LRRTM4: variants seen among roughly 807,000 people sequenced by gnomAD.
The protein encoded by LRRTM4 is leucine rich repeat transmembrane neuronal 4, also known as leucine-rich repeat transmembrane neuronal protein 4.
A neutral mutation model predicts 47.6 loss-of-function variants in LRRTM4; 25 were observed. The observed-to-expected ratio is 0.53, with a 90% confidence interval of 0.38 to 0.73. LRRTM4 has a LOEUF of 0.73. Ranked by LOEUF, LRRTM4 falls within the 30% of genes least tolerant of loss-of-function variation. The pLI is 0.00. For synonymous variants in LRRTM4, 311 were observed against 269.5 expected (o/e 1.15, Z -1.51); for missense variants, 638 against 713.4 (o/e 0.89, Z 1.20).
intron 3 of LRRTM4, among the ~76,000 whole-genome samples, chr2:77,088,932 A>G (rs540711967): frequency 5.3e-5 from 8 of 151,828 alleles, no homozygotes; most frequent in Non-Finnish European, 7.4e-5. Flanking sequence ...CTTAATTTCA[A>G]TTCCTTTCAT....
intron 3 of LRRTM4, among the ~76,000 whole-genome samples, chr2:76,803,963 T>A (rs190234831): frequency 3.2e-4 from 49 of 152,342 alleles, no homozygotes; most frequent in Non-Finnish European, 2.6e-4. Flanking sequence ...TGAGCTTTTC[T>A]TGTAGACATT....
At chr2:76,755,411 C>G (rs1343410560) in intron 3 of LRRTM4, among the ~76,000 whole-genome samples, 1 of 152,126 alleles carries the variant, frequency 6.6e-6, no homozygotes, top group Non-Finnish European at 1.5e-5. Flanking sequence ...TCTGTGATTA[C>G]TAACTCCAAT....
chr2:77,314,152 T>A (rs1677551909), intron 3 of LRRTM4, among the ~76,000 whole-genome samples: 1 of 152,196 alleles, frequency 6.6e-6, no homozygotes, highest in African/African-American at 2.4e-5. Flanking sequence ...ATTCAAAGCT[T>A]CTAAGAGCTT....
intron 3 of LRRTM4, among the ~76,000 whole-genome samples, chr2:76,923,589 A>C (rs1461904925): frequency 6.6e-6 from 1 of 152,056 alleles, no homozygotes; most frequent in Non-Finnish European, 1.5e-5. Flanking sequence ...AACTATCAAC[A>C]CAAGAAAATC....
chr2:76,888,895 G>T lies in LRRTM4; in HGVS notation c.1552-139979C>A, dbSNP rs141114855. On this transcript the variant is annotated intron_variant, in intron 3 of 3. Transcript: ENST00000409884. Reference sequence around the variant, plus strand: ...CTAGCTTTCGCCTTTTTAAGAGAAAGCTGTGAGACTAAATTATTCAATTAA... The same window carrying T: ...CTAGCTTTCGCCTTTTTAAGAGAAATCTGTGAGACTAAATTATTCAATTAA... Among the ~76,000 whole-genome samples, 668 of 151,930 alleles carry T rather than the reference G, an allele frequency of 4.4e-3. 8 individuals carry two copies. The highest frequency in any genetic ancestry group is 0.016 in the African/African-American group (647 of 41,524).
chr2:76,865,085 C>T (rs540909349), intron 3 of LRRTM4, among the ~76,000 whole-genome samples: 1 of 152,156 alleles, frequency 6.6e-6, no homozygotes, highest in African/African-American at 2.4e-5. Flanking sequence ...ACCTCAATTT[C>T]TGTCTGGGTT....
At chr2:77,229,377 C>A (rs1674902122) in intron 3 of LRRTM4, among the ~76,000 whole-genome samples, 1 of 152,000 alleles carries the variant, frequency 6.6e-6, no homozygotes, top group African/African-American at 2.4e-5. Context: ...TAACTTTCTA[C>A]GAGAGTCTTA....
chr2:77,467,358 A>G (rs1437738147), intron 3 of LRRTM4, among the ~76,000 whole-genome samples: 2 of 152,054 alleles, frequency 1.3e-5, no homozygotes, highest in African/African-American at 4.8e-5. Flanking sequence ...GTCATGCAGG[A>G]CTCAGAAAGG....
At chr2:77,006,203 T>C (rs2104044696) in intron 3 of LRRTM4, among the ~76,000 whole-genome samples, 1 of 152,308 alleles carries the variant, frequency 6.6e-6, no homozygotes, top group South Asian at 2.1e-4. Flanking sequence ...GGTAAAAATA[T>C]GGCTTAGAAT....
chr2:77,386,225 T>C (rs766185599), intron 3 of LRRTM4, among the ~76,000 whole-genome samples: 6 of 152,222 alleles, frequency 3.9e-5, no homozygotes, highest in Non-Finnish European at 5.9e-5. Flanking sequence ...GCATAAGCTT[T>C]CTAACACAAA....
intron 2 of LRRTM4, 38 bp downstream of exon 2, chr2:77,521,630 C>A (rs1293265990): frequency 6.2e-7 from 1 of 1,611,710 alleles, no homozygotes. Flanking sequence ...CCAAGAGGAT[C>A]AGCTTTGCTC....
intron 3 of LRRTM4, among the ~76,000 whole-genome samples, chr2:77,318,005 T>TA (rs1677666149): frequency 7.0e-6 from 1 of 142,452 alleles, no homozygotes; most frequent in Non-Finnish European, 1.5e-5. Context: ...TAACACTTTT[T>TA]TTTTTTTTTT....
chr2:77,520,126 T>C (rs985174738), intron 2 of LRRTM4, among the ~76,000 whole-genome samples: 1 of 152,122 alleles, frequency 6.6e-6, no homozygotes, highest in Non-Finnish European at 1.5e-5. Flanking sequence ...TTCCTACTTA[T>C]TTCAACATTG....
chr2:77,318,610 A>G (rs1677690293), intron 3 of LRRTM4, among the ~76,000 whole-genome samples: 1 of 152,200 alleles, frequency 6.6e-6, no homozygotes, highest in South Asian at 2.1e-4. Flanking sequence ...GGCTTGAAAT[A>G]GGATAGTTTA....
At chr2:77,425,943 C>T (rs2103892632) in intron 3 of LRRTM4, among the ~76,000 whole-genome samples, 1 of 150,932 alleles carries the variant, frequency 6.6e-6, no homozygotes, top group East Asian at 1.9e-4. Context: ...GTGGTGAAAC[C>T]CTGTCTCTAT....
chr2:76,943,933 C>T (rs1675237950), intron 3 of LRRTM4, among the ~76,000 whole-genome samples: 1 of 152,090 alleles, frequency 6.6e-6, no homozygotes, highest in South Asian at 2.1e-4. Flanking sequence ...GGCCATTATC[C>T]TAGTGCCATT....
intron 3 of LRRTM4, among the ~76,000 whole-genome samples, chr2:77,333,842 C>T (rs1006307586): frequency 1.3e-5 from 2 of 152,136 alleles, no homozygotes; most frequent in African/African-American, 2.4e-5. Context: ...TTGCACCATG[C>T]ACCTGGAAAA....
At chr2:76,770,002 A>G (rs1673624908) in intron 3 of LRRTM4, among the ~76,000 whole-genome samples, 3 of 152,214 alleles carry the variant, frequency 2.0e-5, no homozygotes, top group Admixed American at 1.3e-4. Context: ...GCTTGGGCCC[A>G]GGAATCTGTT....
At chr2:77,034,533 T>G (rs1288706042) in intron 3 of LRRTM4, among the ~76,000 whole-genome samples, 1 of 151,944 alleles carries the variant, frequency 6.6e-6, no homozygotes, top group South Asian at 2.1e-4. Flanking sequence ...TTCTTACTAT[T>G]TATGGGTGGA....
Sources: allele counts gnomAD v4.1 joint callset (sites outside exome capture counted in the v4.1 genomes callset), GRCh38; gene constraint gnomAD v4.1.1; transcripts MANE v1.5; gene names NCBI Gene and HGNC (gene_info 2026-07-23, HGNC 2026-07-21).